LAMA2: variants seen among roughly 807,000 people sequenced by gnomAD.
The protein encoded by LAMA2 is laminin subunit alpha-2.
In LAMA2, 269 loss-of-function variants were observed where a neutral mutation model predicts 364.8. That is an observed-to-expected ratio of 0.74 (90% CI 0.67 to 0.82). The LOEUF is 0.82. Among genes scored for constraint, LAMA2 ranks in the 40% least tolerant of loss-of-function variants. LAMA2 has a pLI of 0.00. For missense variants in LAMA2, 3,807 were observed against 3,873.2 expected (o/e 0.98, Z 0.45); for synonymous variants, 1,379 against 1,370.6 (o/e 1.01, Z -0.14).
chr6:129,434,626 A>G (rs889641235), intron 41 of LAMA2, among the ~76,000 whole-genome samples: 13 of 152,180 alleles, frequency 8.5e-5, no homozygotes, highest in African/African-American at 2.9e-4. Context: ...CGATAATTCT[A>G]TGTCTTCACC....
intron 1 of LAMA2, among the ~76,000 whole-genome samples, chr6:128,925,347 C>T (rs1779020226): frequency 6.6e-6 from 1 of 152,140 alleles, no homozygotes; most frequent in Non-Finnish European, 1.5e-5. Flanking sequence ...AGAGGAAATT[C>T]TGACACATGC....
intron 4 of LAMA2, among the ~76,000 whole-genome samples, chr6:129,130,609 G>A (rs1329825990): frequency 6.6e-6 from 1 of 152,190 alleles, no homozygotes; most frequent in Non-Finnish European, 1.5e-5. Context: ...AGATAGGAGA[G>A]AAAGGGTAAT....
At chr6:129,027,305 C>A (rs561410701) in intron 1 of LAMA2, among the ~76,000 whole-genome samples, 10 of 152,120 alleles carry the variant, frequency 6.6e-5, no homozygotes, top group African/African-American at 2.2e-4. Context: ...ATGTTAGAAT[C>A]CATATGTAAT....
At chr6:129,370,720 G>A (rs1778023296) in intron 34 of LAMA2, among the ~76,000 whole-genome samples, 1 of 152,148 alleles carries the variant, frequency 6.6e-6, no homozygotes, top group South Asian at 2.1e-4. Context: ...GGGGATTATC[G>A]AGTCCACTTT....
At chr6:129,325,823 T>G (rs1775244995) in intron 28 of LAMA2, among the ~76,000 whole-genome samples, 1 of 151,484 alleles carries the variant, frequency 6.6e-6, no homozygotes, top group Non-Finnish European at 1.5e-5. Context: ...TACCAAGGAG[T>G]GGTATGCACT....
intron 1 of LAMA2, among the ~76,000 whole-genome samples, chr6:128,918,461 TAAAC>T (rs1180479942): frequency 1.3e-5 from 2 of 152,122 alleles, no homozygotes; most frequent in South Asian, 2.1e-4. Context: ...TATAAAGAAA[TAAAC>T]AAATATTGGA....
At chr6:129,012,198 A>T (rs1385480242) in intron 1 of LAMA2, among the ~76,000 whole-genome samples, 1 of 152,222 alleles carries the variant, frequency 6.6e-6, no homozygotes, top group Non-Finnish European at 1.5e-5. Flanking sequence ...CTGCAGAAAC[A>T]TTTAAAATTT....
intron 1 of LAMA2, among the ~76,000 whole-genome samples, chr6:128,891,131 A>T (rs1776427875): frequency 6.6e-6 from 1 of 152,122 alleles, no homozygotes; most frequent in African/African-American, 2.4e-5. Context: ...TTAAGGTATT[A>T]GATTTTGTTT....
chr6:129,017,991 A>C (rs79648833), intron 1 of LAMA2, among the ~76,000 whole-genome samples: 2,346 of 152,000 alleles, frequency 0.015, 72 homozygotes, highest in African/African-American at 0.054. Context: ...TTCTGATGGC[A>C]TCTCTTTCCA....
intron 32 of LAMA2, among the ~76,000 whole-genome samples, chr6:129,364,781 C>T (rs368857945): frequency 6.6e-6 from 1 of 152,074 alleles, no homozygotes; most frequent in Non-Finnish European, 1.5e-5. Flanking sequence ...GCCTGAAGCT[C>T]GGCAATTTGT....
At chr6:129,434,236 T>A (rs990906466) in intron 41 of LAMA2, among the ~76,000 whole-genome samples, 1 of 152,216 alleles carries the variant, frequency 6.6e-6, no homozygotes, top group African/African-American at 2.4e-5. Context: ...CTTGTGCCAT[T>A]TCAATGGGCA....
rs543649127 is a variant in LAMA2 at position 129,399,866 on chromosome 6, G to C, written c.5446-1358G>C. ...AAACTGTGATTTCTATAATAGAAGA[G>C]ATAGTATTTTCGTAGTCAAGGACCC... On this transcript the variant is annotated intron_variant, in intron 37 of 64. Coordinates refer to ENST00000421865, the MANE Select transcript of LAMA2 (RefSeq NM_000426.4). Among the ~76,000 whole-genome samples, 64 of 152,310 alleles carry C rather than the reference G, an allele frequency of 4.2e-4. No individual in the cohort carries two copies. In the South Asian group the frequency reaches 0.013, roughly 32 times the overall value.
rs1786882890 is a variant in LAMA2 at position 129,514,610 on chromosome 6, C to A, written c.9211+15C>A. On this transcript the variant is annotated intron_variant, in intron 64 of 64. Transcript: ENST00000421865. The stretch of plus-strand genomic sequence containing the variant: ...AGGCTTCCCAGGTGAGTGTTGGCTA[C>A]CCCAGCAACAATTTCTTTGCTCTCT... The A allele has an allele frequency of 6.3e-7, 1 of 1,587,762 alleles. No homozygotes were observed. The highest frequency in any genetic ancestry group is 8.6e-7 in the Non-Finnish European group (1 of 1,156,570).
intron 14 of LAMA2, among the ~76,000 whole-genome samples, chr6:129,254,546 C>T (rs77048527): frequency 0.01 from 1,583 of 152,294 alleles, 22 homozygotes; most frequent in African/African-American, 0.036. Context: ...CAAAGGATCA[C>T]ATTTTCTCCA....
At chr6:129,155,414 T>G (rs1779051153) in intron 8 of LAMA2, among the ~76,000 whole-genome samples, 1 of 152,180 alleles carries the variant, frequency 6.6e-6, no homozygotes, top group African/African-American at 2.4e-5. Flanking sequence ...ACTATCTTTT[T>G]GGATTTTAGT....
chr6:128,917,187 A>T (rs1207771802), intron 1 of LAMA2, among the ~76,000 whole-genome samples: 1 of 152,096 alleles, frequency 6.6e-6, no homozygotes, highest in Admixed American at 6.5e-5. Context: ...AAAAAAAAAA[A>T]AAACTAATTA....
chr6:128,981,513 C>T (rs1010687941), intron 1 of LAMA2, among the ~76,000 whole-genome samples: 13 of 150,256 alleles, frequency 8.7e-5, no homozygotes, highest in South Asian at 2.1e-4. Context: ...GAGGCCAAGG[C>T]CAGCAGATCA....
At chr6:129,199,549 C>T (rs1416884470) in intron 12 of LAMA2, among the ~76,000 whole-genome samples, 1 of 152,078 alleles carries the variant, frequency 6.6e-6, no homozygotes, top group African/African-American at 2.4e-5. Context: ...ATAAAACTCA[C>T]TTATAGATGA....
At chr6:129,446,539 CGAGG>C (rs1782390867) in intron 45 of LAMA2, among the ~76,000 whole-genome samples, 2 of 7,062 alleles carry the variant, frequency 2.8e-4, no homozygotes, top group African/African-American at 9.3e-4. Context: ...GGAGGGGAGG[CGAGG>C]GGAGGGGAGG....
Sources: gnomAD v4.1 joint callset for allele counts (sites outside exome capture counted in the v4.1 genomes callset) on GRCh38, gnomAD v4.1.1 for gene constraint, MANE v1.5 for transcripts, NCBI Gene and HGNC (gene_info 2026-07-23, HGNC 2026-07-21) for gene names.